The following ALKBH5 variants were observed in gnomAD, a reference collection of about 807,000 sequenced individuals.
ALKBH5 encodes alkB homolog 5, RNA demethylase.
A neutral mutation model predicts 32.1 loss-of-function variants in ALKBH5; 2 were observed. That is an observed-to-expected ratio of 0.06 (90% confidence interval 0.03 to 0.20). ALKBH5 has a LOEUF of 0.20. Among genes scored for constraint, ALKBH5 ranks in the 10% least tolerant of loss-of-function variants. ALKBH5 has a pLI of 1.00. For missense variants in ALKBH5, 352 were observed against 559.5 expected, an observed-to-expected ratio of 0.63 and a Z score of 3.74; for synonymous variants, 300 against 231.7, an observed-to-expected ratio of 1.29 and a Z score of -2.68.
At chr17:18,190,150 T>C (rs2047165075) in intron 1 of ALKBH5, among the ~76,000 whole-genome samples, 1 of 152,194 alleles carries the variant, frequency 6.6e-6, no homozygotes, top group African/African-American at 2.4e-5. Context: ...AGGCAGGGCA[T>C]GGAGTAGATG....
In ALKBH5 at chr17:18,201,786, G is replaced by GATAGATA. The variant is rs200689873; in HGVS notation, c.852-5029_852-5028insATAGATA. On this transcript the variant is annotated intron_variant, in intron 2 of 3. Coordinates refer to ENST00000399138, the MANE Select transcript of ALKBH5 (RefSeq NM_017758.4). ...AGATAGATAGATAGATAGATAGATA[G>GATAGATA]GATAGATAAGATAGATAGATAGATA... Among the ~76,000 whole-genome samples, 101 of 84,362 alleles carry GATAGATA rather than the reference G, an allele frequency of 1.2e-3. 1 individual carries two copies. Among genetic ancestry groups the GATAGATA allele is most frequent in the East Asian group, 9.0e-3 (26 of 2,874 alleles). 55.3% of individuals were successfully genotyped at this position (84,362 alleles called of 152,430 possible).
At position 18,206,888 on chromosome 17, in the gene ALKBH5, G is replaced by C; in HGVS notation, c.925G>C (p.Asp309His). 6.2e-7 allele frequency: 1 copy of C among 1,614,266 alleles called. No homozygotes were observed. Among genetic ancestry groups the C allele is most frequent in the Non-Finnish European group, 8.5e-7 (1 of 1,180,046 alleles). ...SSVLPPSYAS[D>H]RLSGNNRDPA... ...CGTGTTACCACCCAGCTATGCTTCA[G>C]ATCGCCTGTCAGGAAACAACAGGGA... is the stretch of plus-strand genomic sequence containing the variant. Residue 309 changes from aspartate to histidine, a missense_variant, in exon 3 of 4, where the codon GAT becomes CAT. Transcript: ENST00000399138.
rs2047122511 is a variant in ALKBH5 at position 18,184,339 on chromosome 17, C to T, written c.96C>T (p.Ala32=). 3 of 1,512,136 alleles carry T rather than the reference C, an allele frequency of 2.0e-6. No individual in the cohort carries two copies. Among genetic ancestry groups the T allele is most frequent in the Admixed American group, 2.3e-5 (1 of 42,828 alleles). The allele number at this position is 1,512,136 out of a possible 1,614,324, so 93.7% of individuals were successfully genotyped here. A position where few individuals can be genotyped will look rare whatever the true frequency, so the allele number is the denominator to read the frequency against. Residue 32 remains alanine, a synonymous_variant, in exon 1 of 4, where the codon GCC becomes GCT. Transcript: ENST00000399138. The part of the protein sequence containing the change: ...NYKAGSREAA[A]AAAAAVAAAA... ...AGGCGGGCAGCCGGGAGGCCGCCGC[C>T]GCTGCCGCAGCCGCCGTAGCCGCCG...
intron 1 of ALKBH5, among the ~76,000 whole-genome samples, chr17:18,188,588 G>T (rs372065341): frequency 2.0e-4 from 30 of 152,232 alleles, no homozygotes; most frequent in African/African-American, 7.0e-4. Flanking sequence ...TCCACTGGAG[G>T]GGGAGGAACC....
At chr17:18,190,975 A>G (rs1208018520) in intron 1 of ALKBH5, among the ~76,000 whole-genome samples, 1 of 152,152 alleles carries the variant, frequency 6.6e-6, no homozygotes, top group African/African-American at 2.4e-5. Context: ...GGCTCAGCCC[A>G]GAGAGGGAGC....
At chr17:18,208,071 C>T in intron 3 of ALKBH5, 148 bp from the exon 4 acceptor site, 1 of 804,488 alleles carries the variant, frequency 1.2e-6, no homozygotes, top group East Asian at 2.6e-5. Flanking sequence ...GCAAGAACCT[C>T]CGATACCAGG....
At chr17:18,201,785 AGGAT>A (rs2047238870) in intron 2 of ALKBH5, among the ~76,000 whole-genome samples, 17 of 107,756 alleles carry the variant, frequency 1.6e-4, no homozygotes, top group East Asian at 1.2e-3. Flanking sequence ...ATAGATAGAT[AGGAT>A]AGATAAGATA....
Position 18,195,019 on chromosome 17 carries a change from GTCA to G in ALKBH5, c.841_843del (p.Ile281del). The G allele has an allele frequency of 6.2e-7, 1 of 1,613,564 alleles. No homozygotes were observed. Among genetic ancestry groups the G allele is most frequent in the Non-Finnish European group, 8.5e-7 (1 of 1,179,934 alleles). On this transcript the variant is annotated inframe_deletion, in exon 2 of 4. Transcript: ENST00000399138. ...TCAGGACATCAAGGAGCGCCGAGCA[GTCA>G]TCATCCTCAGGAAGTAAGTGCCTTG...
chr17:18,196,670 TTGATCATC>T (rs1285696834), intron 2 of ALKBH5, among the ~76,000 whole-genome samples: 1 of 152,226 alleles, frequency 6.6e-6, no homozygotes, highest in African/African-American at 2.4e-5. Context: ...ACTATTGATA[TTGATCATC>T]TGGCCAATGC....
At chr17:18,193,069 A>T in intron 1 of ALKBH5, among the ~76,000 whole-genome samples, 1 of 151,382 alleles carries the variant, frequency 6.6e-6, no homozygotes, top group East Asian at 1.9e-4. Context: ...TGTCGGCCAG[A>T]CTGGTTACGA....
intron 1 of ALKBH5, among the ~76,000 whole-genome samples, chr17:18,188,711 C>G (rs1304655878): frequency 6.6e-6 from 1 of 152,136 alleles, no homozygotes; most frequent in Non-Finnish European, 1.5e-5. Context: ...AGAAAGGAAG[C>G]TAACAGTGAA....
chr17:18,208,196 G>A (rs1254043291), intron 3 of ALKBH5, 23 bp from the exon 4 acceptor site: 27 of 1,589,754 alleles, frequency 1.7e-5, no homozygotes, highest in Middle Eastern at 1.7e-4. Flanking sequence ...CTCAGATAAC[G>A]TCCTACCTCC....
intron 2 of ALKBH5, among the ~76,000 whole-genome samples, chr17:18,201,826 TAGA>T: frequency 7.9e-6 from 1 of 125,932 alleles, no homozygotes; most frequent in Middle Eastern, 4.0e-3. Flanking sequence ...GATAGATAGA[TAGA>T]TAGATAGATG....
chr17:18,187,966 G>C (rs1405768488), intron 1 of ALKBH5, among the ~76,000 whole-genome samples: 1 of 152,208 alleles, frequency 6.6e-6, no homozygotes, highest in African/African-American at 2.4e-5. Context: ...CAGCATGGAT[G>C]TTGGTGCGTC....
Position 18,184,269 on chromosome 17 carries a change from A to G in ALKBH5, c.26A>G (p.Asp9Gly), listed in dbSNP as rs2142464619. The G allele has an allele frequency of 6.6e-7, 1 of 1,523,402 alleles. No individual in the cohort carries two copies. The highest frequency in any genetic ancestry group is 8.8e-7 in the Non-Finnish European group (1 of 1,139,278). 94.4% of individuals were successfully genotyped at this position (1,523,402 alleles called of 1,614,324 possible). The change falls in exon 1 of 4, where the codon GAC (aspartate) becomes GGC (glycine). Residue 9 changes from aspartate to glycine, a missense_variant. Asp to Gly is a moderately conservative substitution (Grantham distance 94, BLOSUM62 -1). Around this residue, in one of 4 missense-constraint regions of ALKBH5, gnomAD observed 144 missense variants for 125.8 expected, o/e 1.14. Coordinates refer to ENST00000399138, the MANE Select transcript of ALKBH5 (RefSeq NM_017758.4). ...ATGGCGGCCGCCAGCGGCTACACGG[A>G]CCTGCGTGAGAAGCTCAAGTCCATG... is the stretch of plus-strand genomic sequence containing the variant. MAAASGYT[D>G]LREKLKSMTS...
At chr17:18,207,383 G>C (rs761373713) in intron 3 of ALKBH5, among the ~76,000 whole-genome samples, 1 of 152,134 alleles carries the variant, frequency 6.6e-6, no homozygotes, top group African/African-American at 2.4e-5. Context: ...AAATGTTTTG[G>C]CCGGCACAGT....
chr17:18,191,221 T>C (rs2047172523), intron 1 of ALKBH5, among the ~76,000 whole-genome samples: 2 of 152,194 alleles, frequency 1.3e-5, no homozygotes, highest in Non-Finnish European at 2.9e-5. Flanking sequence ...CCAGGAGAGC[T>C]TCCCTTAATC....
intron 3 of ALKBH5, among the ~76,000 whole-genome samples, chr17:18,207,809 T>G (rs1334078052): frequency 6.6e-6 from 1 of 151,808 alleles, no homozygotes; most frequent in Non-Finnish European, 1.5e-5. Context: ...CAAAAGAGCT[T>G]TGTGGTTTCA....
chr17:18,194,929 G>A, intron 1 of ALKBH5, 26 bp from the exon 2 acceptor site: 1 of 1,611,504 alleles, frequency 6.2e-7, no homozygotes, highest in Non-Finnish European at 8.5e-7. Context: ...ACTCTTCATG[G>A]TCACATGTTC....
Sources: allele counts gnomAD v4.1 joint callset (sites outside exome capture counted in the v4.1 genomes callset), GRCh38; gene constraint gnomAD v4.1.1; regional missense constraint gnomAD v4.1.1; transcripts MANE v1.5; gene names NCBI Gene and HGNC (gene_info 2026-07-23, HGNC 2026-07-21).